Variants in ITGB1 observed in about 807,000 individuals in gnomAD.
The protein encoded by ITGB1 is integrin beta-1.
ITGB1 carries 24 observed loss-of-function variants against 86.5 expected under a neutral mutation model. The observed-to-expected ratio is 0.28, with a 90% CI of 0.20 to 0.39. The LOEUF (loss-of-function observed/expected upper bound fraction) is 0.39. Ranked by LOEUF, ITGB1 falls within the 10% of genes least tolerant of loss-of-function variation. The pLI is 1.00. For missense variants in ITGB1, 556 were observed against 946.9 expected (o/e 0.59, Z 5.42); for synonymous variants, 323 against 316.8 (o/e 1.02, Z -0.21).
intron 3 of ITGB1, among the ~76,000 whole-genome samples, chr10:32,932,228 TA>T (rs1243297075): frequency 6.6e-6 from 1 of 152,132 alleles, no homozygotes; most frequent in Non-Finnish European, 1.5e-5. Flanking sequence ...GTTATAACAT[TA>T]TTTTTAAATA....
intron 1 of ITGB1, among the ~76,000 whole-genome samples, chr10:32,937,937 C>G (rs1156915851): frequency 6.6e-6 from 1 of 152,174 alleles, no homozygotes; most frequent in Non-Finnish European, 1.5e-5. Flanking sequence ...ATGCTATTCC[C>G]CTGGCTCAGA....
chr10:32,956,306 T>C (rs1258032238), intron 1 of ITGB1, among the ~76,000 whole-genome samples: 6 of 152,106 alleles, frequency 3.9e-5, no homozygotes, highest in African/African-American at 1.4e-4. Flanking sequence ...TGGTCTACTG[T>C]ATAACCTATC....
At chr10:32,924,102 G>A (rs1422577758) in intron 6 of ITGB1, among the ~76,000 whole-genome samples, 1 of 152,178 alleles carries the variant, frequency 6.6e-6, no homozygotes, top group Non-Finnish European at 1.5e-5. Flanking sequence ...AGCATTTGCT[G>A]AATAAATGAA....
chr10:32,927,857 TTATC>T (rs1261981329), intron 5 of ITGB1, among the ~76,000 whole-genome samples: 2 of 152,038 alleles, frequency 1.3e-5, no homozygotes, highest in African/African-American at 2.4e-5. Flanking sequence ...ATGCAAGTCA[TTATC>T]TATGAGGTAC....
At chr10:32,946,298 A>G (rs2095031144) in intron 1 of ITGB1, among the ~76,000 whole-genome samples, 1 of 152,238 alleles carries the variant, frequency 6.6e-6, no homozygotes, top group African/African-American at 2.4e-5. Flanking sequence ...AATAGCAATC[A>G]ATCATGATTC....
intron 11 of ITGB1, among the ~76,000 whole-genome samples, chr10:32,914,997 C>T (rs2094927098): frequency 6.6e-6 from 1 of 152,182 alleles, no homozygotes; most frequent in African/African-American, 2.4e-5. Context: ...AGCTAGAACT[C>T]AAGATTAAGA....
chr10:32,943,135 G>GAA (rs2095022907), intron 1 of ITGB1, among the ~76,000 whole-genome samples: 1 of 152,192 alleles, frequency 6.6e-6, no homozygotes, highest in Admixed American at 6.5e-5. Flanking sequence ...TCTCTAAACA[G>GAA]AAAAGTGTTA....
chr10:32,921,802 G>A (rs982313297), intron 9 of ITGB1, among the ~76,000 whole-genome samples: 1 of 151,816 alleles, frequency 6.6e-6, no homozygotes, highest in African/African-American at 2.4e-5. Context: ...ATATGAGTGT[G>A]TACCTCCTGA....
At chr10:32,948,710 A>G (rs915166299) in intron 1 of ITGB1, among the ~76,000 whole-genome samples, 13 of 152,050 alleles carry the variant, frequency 8.5e-5, no homozygotes, top group Non-Finnish European at 1.6e-4. Context: ...TTGCCCTTCC[A>G]CCTTCTACCA....
At chr10:32,906,680 G>A (rs1342745952) in intron 15 of ITGB1, 2 of 220,962 alleles carry the variant, frequency 9.1e-6, no homozygotes, top group Non-Finnish European at 1.8e-5. Flanking sequence ...AGAGCTGACA[G>A]GCTGATTTCA....
At chr10:32,951,368 T>C (rs1046128325) in intron 1 of ITGB1, among the ~76,000 whole-genome samples, 1 of 151,462 alleles carries the variant, frequency 6.6e-6, no homozygotes, top group African/African-American at 2.4e-5. Context: ...AGAAACGTTG[T>C]CTAATGGTGA....
chr10:32,900,738 C>A lies in ITGB1; in HGVS notation c.*832G>T. The A allele has an allele frequency of 6.9e-6, 1 of 144,680 alleles. No individual in the cohort carries two copies. The allele number at this position is 144,680 out of a possible 1,614,324, so 9.0% of individuals were successfully genotyped here. A position where few individuals can be genotyped will look rare whatever the true frequency, so the allele number is the denominator to read the frequency against. Reference sequence around the variant, plus strand: ...AGATTAGAAGAGGTGACAGAAAGCACCAGACATTAAACAAAATAAAAATAA... The same window carrying A: ...AGATTAGAAGAGGTGACAGAAAGCAACAGACATTAAACAAAATAAAAATAA... On this transcript the variant is annotated 3_prime_UTR_variant, in exon 16 of 16. Transcript: ENST00000302278.
At chr10:32,957,205 AGCTTAGAGAAT>A (rs879942112) in intron 1 of ITGB1, among the ~76,000 whole-genome samples, 6 of 152,244 alleles carry the variant, frequency 3.9e-5, no homozygotes, top group Non-Finnish European at 7.3e-5. Flanking sequence ...AGGAAACGGA[AGCTTAGAGAAT>A]GCAACTTACT....
Position 32,901,654 on chromosome 10 carries a change from G to A in ITGB1, c.2332-19C>T, listed in dbSNP as rs2137146664. On this transcript the variant is annotated intron_variant, in intron 15 of 15. Coordinates refer to ENST00000302278, the MANE Select transcript of ITGB1 (RefSeq NM_002211.4). ...TTTCACCCTACAACAAAAAAAAAGT[G>A]AGAAAAATTATCAGTTACCCTACTA... The A allele has an allele frequency of 3.9e-6, 6 of 1,525,338 alleles. No homozygotes were observed. In the African/African-American group the frequency reaches 4.1e-5, roughly 10 times the overall value. 94.5% of individuals were successfully genotyped at this position (1,525,338 alleles called of 1,614,324 possible).
At chr10:32,917,073 C>G (rs754570489) in intron 11 of ITGB1, among the ~76,000 whole-genome samples, 19 of 152,150 alleles carry the variant, frequency 1.2e-4, no homozygotes, top group Admixed American at 2.0e-4. Context: ...ACAAACCTGA[C>G]AAAAACAAGA....
intron 1 of ITGB1, among the ~76,000 whole-genome samples, chr10:32,942,998 G>C (rs943343495): frequency 6.6e-6 from 1 of 152,090 alleles, no homozygotes; most frequent in Admixed American, 6.6e-5. Flanking sequence ...GCTGGGCAAT[G>C]GAGTGAGACC....
chr10:32,915,386 T>C (rs967563690), intron 11 of ITGB1, among the ~76,000 whole-genome samples: 1 of 152,168 alleles, frequency 6.6e-6, no homozygotes, highest in African/African-American at 2.4e-5. Context: ...AGCTGGTTTT[T>C]TGAAATGATC....
chr10:32,928,690 G>A (rs1005352485), intron 4 of ITGB1, among the ~76,000 whole-genome samples: 5 of 151,836 alleles, frequency 3.3e-5, no homozygotes, highest in African/African-American at 9.7e-5. Flanking sequence ...AACATGATCC[G>A]ATCTTTACTT....
chr10:32,950,795 C>T (rs1174427589), intron 1 of ITGB1, among the ~76,000 whole-genome samples: 5 of 152,250 alleles, frequency 3.3e-5, no homozygotes, highest in Non-Finnish European at 1.5e-5. Context: ...AAAGGTTTGG[C>T]TGCTCCAAAG....
Sources: allele counts gnomAD v4.1 joint callset (sites outside exome capture counted in the v4.1 genomes callset), GRCh38; gene constraint gnomAD v4.1.1; transcripts MANE v1.5; gene names NCBI Gene and HGNC (gene_info 2026-07-23, HGNC 2026-07-21).